Variants in TENM3 observed in about 807,000 individuals in gnomAD.
TENM3 encodes the protein teneurin transmembrane protein 3.
In TENM3, 63 loss-of-function variants were observed where a neutral mutation model predicts 255.1. That is an observed-to-expected ratio of 0.25 (90% confidence interval 0.20 to 0.30). The LOEUF is 0.30. Among genes scored for constraint, TENM3 ranks in the 10% least tolerant of loss-of-function variants. The pLI, the probability that TENM3 is intolerant of heterozygous loss-of-function variation, is 1.00. For missense variants in TENM3, 2,929 were observed against 3,461.1 expected, an observed-to-expected ratio of 0.85 and a Z score of 3.86; for synonymous variants, 1,306 against 1,322.3, an observed-to-expected ratio of 0.99 and a Z score of 0.27.
At chr4:181,861,301 G>A in the TENM3 span, among the ~76,000 whole-genome samples, 1 of 152,140 alleles carries the variant, frequency 6.6e-6, no homozygotes, top group Non-Finnish European at 1.5e-5. Context: ...TCTTTTCCAT[G>A]AAAGAAGGTG....
chr4:181,602,617 C>T, the TENM3 span, among the ~76,000 whole-genome samples: 46 of 152,174 alleles, frequency 3.0e-4, no homozygotes, highest in Non-Finnish European at 5.7e-4. Context: ...AGAACTATTT[C>T]ACTCAAAGTT....
At chr4:181,914,822 C>T in the TENM3 span, among the ~76,000 whole-genome samples, 1 of 152,108 alleles carries the variant, frequency 6.6e-6, no homozygotes, top group Admixed American at 6.6e-5. Flanking sequence ...GTCAACTGAA[C>T]CAGGAGACCG....
chr4:182,769,699 G>T (rs866791791), intron 22 of TENM3, among the ~76,000 whole-genome samples: 29 of 152,038 alleles, frequency 1.9e-4, no homozygotes, highest in African/African-American at 6.8e-4. Context: ...CAGGAGAATC[G>T]CTTGAACTTG....
At chr4:182,527,415 G>A (rs184044191) in intron 3 of TENM3, among the ~76,000 whole-genome samples, 304 of 151,808 alleles carry the variant, frequency 2.0e-3, no homozygotes, top group African/African-American at 6.9e-3. Flanking sequence ...GGAAAGGCTC[G>A]TGATTGTGTT....
At chr4:182,741,303 G>T (rs543681657) in intron 18 of TENM3, among the ~76,000 whole-genome samples, 1 of 152,360 alleles carries the variant, frequency 6.6e-6, no homozygotes, top group African/African-American at 2.4e-5. Flanking sequence ...TTTCCAAAGT[G>T]ACATGTGTCT....
intron 24 of TENM3, among the ~76,000 whole-genome samples, chr4:182,785,604 G>A (rs1765579637): frequency 6.6e-6 from 1 of 150,822 alleles, no homozygotes; most frequent in African/African-American, 2.4e-5. Flanking sequence ...GCTACTCACG[G>A]GGCTGAGGTG....
At chr4:181,945,916 A>G in the TENM3 span, among the ~76,000 whole-genome samples, 2 of 151,796 alleles carry the variant, frequency 1.3e-5, no homozygotes, top group Admixed American at 6.6e-5. Flanking sequence ...CTGGAGAAAT[A>G]TATATACACA....
In TENM3 at chr4:182,688,307, A is replaced by G; in HGVS notation, c.2177A>G (p.Lys726Arg). The change falls in exon 12 of 28, where the codon AAG becomes AGG. Residue 726 changes from lysine to arginine, a missense_variant. Physicochemically the swap from Lys to Arg is conservative, Grantham distance 26. Around this residue, in one of 6 missense-constraint regions of TENM3, gnomAD observed 1,608 missense variants for 1,884.4 expected, o/e 0.85. Transcript: ENST00000511685. The stretch of plus-strand genomic sequence containing the variant: ...GAGCACGGGACCTGCAAGGATGGCA[A>G]GTGTGAATGCAGCCAGGGCTGGAAT... ...CAEHGTCKDG[K>R]CECSQGWNGE... 6.2e-7 allele frequency: 1 copy of G among 1,613,902 alleles called. No individual in the cohort carries two copies. Among genetic ancestry groups the G allele is most frequent in the Non-Finnish European group, 8.5e-7 (1 of 1,179,838 alleles).
At chr4:181,934,861 T>C in the TENM3 span, among the ~76,000 whole-genome samples, 1 of 152,174 alleles carries the variant, frequency 6.6e-6, no homozygotes, top group Non-Finnish European at 1.5e-5. Flanking sequence ...AAAACTGACA[T>C]GAGACATAAC....
chr4:182,552,398 G>A (rs1742139661), intron 3 of TENM3, among the ~76,000 whole-genome samples: 1 of 152,172 alleles, frequency 6.6e-6, no homozygotes, highest in African/African-American at 2.4e-5. Context: ...TGTTTCAGAT[G>A]CTGCAAAGAT....
chr4:181,857,881 C>G, the TENM3 span, among the ~76,000 whole-genome samples: 1 of 152,110 alleles, frequency 6.6e-6, no homozygotes, highest in East Asian at 1.9e-4. Flanking sequence ...ATGGCTCTGT[C>G]TGCTGTGAGG....
the TENM3 span, among the ~76,000 whole-genome samples, chr4:181,903,390 A>C: frequency 6.6e-6 from 1 of 152,186 alleles, no homozygotes; most frequent in South Asian, 2.1e-4. Context: ...GCTCTGTAAG[A>C]GTCTGCATTT....
intron 1 of TENM3, among the ~76,000 whole-genome samples, chr4:182,268,098 C>G (rs912878769): frequency 1.3e-5 from 2 of 152,094 alleles, no homozygotes. Flanking sequence ...TTGCCCAGTT[C>G]ATAAAAAAGC....
the TENM3 span, among the ~76,000 whole-genome samples, chr4:181,602,524 A>T: frequency 6.6e-6 from 1 of 152,208 alleles, no homozygotes; most frequent in Non-Finnish European, 1.5e-5. Flanking sequence ...TGAAATGGAA[A>T]TTCTACATCA....
At chr4:181,709,706 G>T in the TENM3 span, among the ~76,000 whole-genome samples, 1 of 152,244 alleles carries the variant, frequency 6.6e-6, no homozygotes, top group Non-Finnish European at 1.5e-5. Flanking sequence ...ATCATAGGAG[G>T]GGACAGCCAT....
chr4:181,857,203 T>A, the TENM3 span, among the ~76,000 whole-genome samples: 2 of 151,934 alleles, frequency 1.3e-5, no homozygotes, highest in Admixed American at 1.3e-4. Context: ...GATTTGGTGA[T>A]TAAGAAAGAC....
chr4:182,061,417 T>C, the TENM3 span, among the ~76,000 whole-genome samples: 3 of 151,972 alleles, frequency 2.0e-5, no homozygotes, highest in Non-Finnish European at 1.5e-5. Flanking sequence ...TCTAAGTTAC[T>C]TTTTTTTCTG....
chr4:181,991,231 A>T, the TENM3 span, among the ~76,000 whole-genome samples: 1 of 152,168 alleles, frequency 6.6e-6, no homozygotes, highest in African/African-American at 2.4e-5. Flanking sequence ...AATGAAAAAA[A>T]TTGAGAAGAT....
chr4:182,040,050 AGG>A, the TENM3 span, among the ~76,000 whole-genome samples: 1 of 7,528 alleles, frequency 1.3e-4, no homozygotes, highest in African/African-American at 5.8e-4. Context: ...AGAAGAGGGC[AGG>A]GGAGGGGAGG....
Sources: allele counts gnomAD v4.1 joint callset (sites outside exome capture counted in the v4.1 genomes callset), GRCh38; gene constraint gnomAD v4.1.1; regional missense constraint gnomAD v4.1.1; transcripts MANE v1.5; gene names NCBI Gene and HGNC (gene_info 2026-07-23, HGNC 2026-07-21).